Variants in CNTN1 observed in about 807,000 individuals in gnomAD.
CNTN1 encodes contactin-1.
In CNTN1, 38 loss-of-function variants were observed where a neutral mutation model predicts 126.4. The observed-to-expected ratio is 0.30, with a 90% CI of 0.23 to 0.39. CNTN1 has a LOEUF of 0.39. Among genes scored for constraint, CNTN1 ranks in the 10% least tolerant of loss-of-function variants. The probability of loss-of-function intolerance (pLI) is 1.00; values close to 1 mark genes in which losing one functional copy is unlikely to be tolerated. For synonymous variants in CNTN1, 413 were observed against 422.6 expected (o/e 0.98, Z 0.28); for missense variants, 1,009 against 1,248.4 (o/e 0.81, Z 2.89).
chr12:41,069,513 G>T (rs1020472823), intron 23 of CNTN1, among the ~76,000 whole-genome samples: 1 of 152,030 alleles, frequency 6.6e-6, no homozygotes, highest in African/African-American at 2.4e-5. Flanking sequence ...GTATACAAGT[G>T]CCATGTTGGT....
intron 14 of CNTN1, among the ~76,000 whole-genome samples, chr12:40,953,063 C>T (rs1946747044): frequency 6.6e-6 from 1 of 152,098 alleles, no homozygotes; most frequent in South Asian, 2.1e-4. Flanking sequence ...TTTGTTAATA[C>T]AGCGTCATCA....
intron 1 of CNTN1, among the ~76,000 whole-genome samples, chr12:40,745,761 T>C (rs1352432653): frequency 6.6e-6 from 1 of 152,176 alleles, no homozygotes; most frequent in Non-Finnish European, 1.5e-5. Flanking sequence ...AGGGCTATTT[T>C]AAGATATGGC....
At chr12:40,845,467 A>C (rs1281258632) in intron 1 of CNTN1, among the ~76,000 whole-genome samples, 1 of 152,218 alleles carries the variant, frequency 6.6e-6, no homozygotes, top group Non-Finnish European at 1.5e-5. Flanking sequence ...ATTGTGTTTT[A>C]TTGACAGAAC....
chr12:40,869,560 G>A (rs1038619862), intron 1 of CNTN1, among the ~76,000 whole-genome samples: 48 of 152,060 alleles, frequency 3.2e-4, no homozygotes, highest in African/African-American at 1.1e-3. Flanking sequence ...GTGAGCCACC[G>A]TGTCCAGTCT....
intron 1 of CNTN1, among the ~76,000 whole-genome samples, chr12:40,765,763 A>G (rs1939059583): frequency 6.6e-6 from 1 of 152,240 alleles, no homozygotes; most frequent in African/African-American, 2.4e-5. Flanking sequence ...AATTTAAAAC[A>G]TTGTTTAATT....
chr12:40,890,100 C>A (rs955585806), intron 1 of CNTN1, among the ~76,000 whole-genome samples: 1 of 152,156 alleles, frequency 6.6e-6, no homozygotes, highest in Non-Finnish European at 1.5e-5. Context: ...TATGGACTAT[C>A]TCTAAGGTCA....
chr12:40,981,318 C>T (rs1947813657), intron 16 of CNTN1, among the ~76,000 whole-genome samples: 2 of 152,024 alleles, frequency 1.3e-5, no homozygotes, highest in Admixed American at 6.6e-5. Flanking sequence ...CAAAATGAGG[C>T]CTCCTGGGTT....
intron 23 of CNTN1, among the ~76,000 whole-genome samples, chr12:41,068,793 A>G (rs1158041138): frequency 6.6e-6 from 1 of 152,152 alleles, no homozygotes; most frequent in Non-Finnish European, 1.5e-5. Flanking sequence ...CATTGACTAA[A>G]TTTTTTAGGT....
At chr12:40,781,594 G>A (rs1939807603) in intron 1 of CNTN1, among the ~76,000 whole-genome samples, 1 of 151,924 alleles carries the variant, frequency 6.6e-6, no homozygotes, top group Non-Finnish European at 1.5e-5. Flanking sequence ...GTTAGTCATT[G>A]TTAAATTTCT....
intron 1 of CNTN1, among the ~76,000 whole-genome samples, chr12:40,730,978 C>T (rs1478581401): frequency 6.6e-6 from 1 of 151,534 alleles, no homozygotes; most frequent in Non-Finnish European, 1.5e-5. Context: ...ATGCAACGGG[C>T]ATAGTAAAGC....
In CNTN1 at chr12:41,071,616, T is replaced by C. The variant is rs2121185876; in HGVS notation, c.*1581T>C. 1 of 152,338 alleles carries C rather than the reference T, an allele frequency of 6.6e-6. No individual in the cohort carries two copies. The highest frequency in any genetic ancestry group is 1.9e-4 in the East Asian group (1 of 5,190). The allele number at this position is 152,338 out of a possible 1,614,324, so 9.4% of individuals were successfully genotyped here. ...GTGTAAATGTTTAGAGTCTTCATTA[T>C]GAAAATATCAATAAATATTTCATTA... On this transcript the variant is annotated 3_prime_UTR_variant, in exon 24 of 24. Coordinates refer to ENST00000551295, the MANE Select transcript of CNTN1 (RefSeq NM_001843.4).
At chr12:40,974,315 T>C (rs1221776272) in intron 15 of CNTN1, among the ~76,000 whole-genome samples, 1 of 152,054 alleles carries the variant, frequency 6.6e-6, no homozygotes, top group African/African-American at 2.4e-5. Flanking sequence ...GAAACAAAGA[T>C]TTAAAAAGGC....
intron 1 of CNTN1, among the ~76,000 whole-genome samples, chr12:40,693,615 T>C (rs115727295): frequency 0.014 from 2,204 of 152,226 alleles, 48 homozygotes; most frequent in African/African-American, 0.051. Context: ...TTTCCTTATT[T>C]ATTTATTTAT....
intron 1 of CNTN1, among the ~76,000 whole-genome samples, chr12:40,774,677 C>T (rs765579377): frequency 6.6e-6 from 1 of 151,506 alleles, no homozygotes; most frequent in African/African-American, 2.4e-5. Context: ...ACACACTTAA[C>T]TCTCATCTCA....
chr12:40,847,049 G>A (rs1224672882), intron 1 of CNTN1, among the ~76,000 whole-genome samples: 5 of 151,990 alleles, frequency 3.3e-5, no homozygotes, highest in Non-Finnish European at 7.4e-5. Context: ...TGTATTTTTA[G>A]TAGAGACGGG....
At chr12:40,762,758 G>A (rs1366526084) in intron 1 of CNTN1, among the ~76,000 whole-genome samples, 2 of 152,106 alleles carry the variant, frequency 1.3e-5, no homozygotes, top group African/African-American at 4.8e-5. Flanking sequence ...ATTATACATG[G>A]CCCCTTTTCT....
At chr12:40,824,140 C>T (rs954286766) in intron 1 of CNTN1, among the ~76,000 whole-genome samples, 5 of 151,986 alleles carry the variant, frequency 3.3e-5, no homozygotes, top group Non-Finnish European at 5.9e-5. Context: ...ATCTTAACAG[C>T]GTTGAAATTG....
chr12:40,838,393 C>T (rs1014525023), intron 1 of CNTN1, among the ~76,000 whole-genome samples: 1 of 152,214 alleles, frequency 6.6e-6, no homozygotes, highest in Non-Finnish European at 1.5e-5. Context: ...ACACCAGCTA[C>T]CCAATGTCCA....
intron 16 of CNTN1, among the ~76,000 whole-genome samples, chr12:40,983,147 T>C (rs1947864898): frequency 6.6e-6 from 1 of 152,176 alleles, no homozygotes; most frequent in African/African-American, 2.4e-5. Context: ...CCACTGCTGC[T>C]TTCTGAAAGT....
Sources: gnomAD v4.1 joint callset for allele counts (sites outside exome capture counted in the v4.1 genomes callset) on GRCh38, gnomAD v4.1.1 for gene constraint, MANE v1.5 for transcripts, NCBI Gene and HGNC (gene_info 2026-07-23, HGNC 2026-07-21) for gene names.